NRXN1: variants seen among roughly 807,000 people sequenced by gnomAD.
NRXN1 encodes neurexin-1.
A neutral mutation model predicts 150.9 loss-of-function variants in NRXN1; 39 were observed. The ratio of observed to expected loss-of-function variants is 0.26; its 90% CI spans 0.20 to 0.34. NRXN1 has a LOEUF of 0.34. Ranked by LOEUF, NRXN1 falls within the 10% of genes least tolerant of loss-of-function variation. The probability of loss-of-function intolerance (pLI) is 1.00; values close to 1 mark genes in which losing one functional copy is unlikely to be tolerated. For synonymous variants in NRXN1, 924 were observed against 757.0 expected (o/e 1.22, Z -3.62); for missense variants, 1,815 against 1,949.9 (o/e 0.93, Z 1.30).
chr2:50,531,208 G>A lies in NRXN1; in HGVS notation c.2347+19C>T. 6.2e-7 allele frequency: 1 copy of A among 1,602,644 alleles called. No homozygotes were observed. The highest frequency in any genetic ancestry group is 8.5e-7 in the Non-Finnish European group (1 of 1,172,116). Reference sequence around the variant, plus strand: ...AAAGTAAAAAAGTGTTAGTTCAATGGGGGAAGGCAGGTTGTTACCTAGATT... The same window carrying A: ...AAAGTAAAAAAGTGTTAGTTCAATGAGGGAAGGCAGGTTGTTACCTAGATT... On this transcript the variant is annotated intron_variant, in intron 11 of 22. Transcript: ENST00000401669.
chr2:50,661,036 A>G (rs748350346), intron 5 of NRXN1, among the ~76,000 whole-genome samples: 1 of 152,008 alleles, frequency 6.6e-6, no homozygotes, highest in Non-Finnish European at 1.5e-5. Context: ...ATCTAGGTTC[A>G]TGACTAGAAT....
At chr2:50,204,525 C>T (rs542010365) in intron 18 of NRXN1, among the ~76,000 whole-genome samples, 162 of 152,090 alleles carry the variant, frequency 1.1e-3, no homozygotes, top group Admixed American at 1.8e-3. Flanking sequence ...TCATGTGCTG[C>T]TCCCTGGGTG....
rs145180080 is a variant in NRXN1 at position 49,986,730 on chromosome 2, G to A, written c.4129-42939C>T. Reference sequence around the variant, plus strand: ...AATCTCACACATTTATCATGTCTTTGTTTTGGGAACACTCAAAGTCCTCTC... The same window carrying A: ...AATCTCACACATTTATCATGTCTTTATTTTGGGAACACTCAAAGTCCTCTC... On this transcript the variant is annotated intron_variant, in intron 21 of 22. Transcript: ENST00000401669. Among the ~76,000 whole-genome samples the A allele has an allele frequency of 5.4e-3, 826 of 152,218 alleles. 8 individuals carry two copies. The highest frequency in any genetic ancestry group is 0.019 in the African/African-American group (794 of 41,524).
chr2:50,801,173 G>T (rs1234631990), intron 5 of NRXN1, among the ~76,000 whole-genome samples: 2 of 151,994 alleles, frequency 1.3e-5, no homozygotes, highest in South Asian at 2.1e-4. Context: ...GCTTATTTAT[G>T]TCAAAGTTTC....
intron 18 of NRXN1, among the ~76,000 whole-genome samples, chr2:50,096,551 A>G (rs1487805843): frequency 6.6e-6 from 1 of 152,212 alleles, no homozygotes; most frequent in African/African-American, 2.4e-5. Context: ...TTCACTGGAC[A>G]TGTCTTTATC....
At chr2:50,128,047 A>C (rs1361214975) in intron 18 of NRXN1, among the ~76,000 whole-genome samples, 3 of 152,142 alleles carry the variant, frequency 2.0e-5, no homozygotes, top group Non-Finnish European at 4.4e-5. Context: ...ATCACTATTC[A>C]ATATTTAAAA....
At chr2:50,868,199 A>G (rs1410160537) in intron 5 of NRXN1, among the ~76,000 whole-genome samples, 1 of 145,246 alleles carries the variant, frequency 6.9e-6, no homozygotes, top group African/African-American at 2.6e-5. Flanking sequence ...GCATACACAC[A>G]CACAGGAATA....
chr2:50,429,217 A>T (rs1305598293), intron 17 of NRXN1, among the ~76,000 whole-genome samples: 2 of 152,060 alleles, frequency 1.3e-5, no homozygotes, highest in Non-Finnish European at 2.9e-5. Context: ...AGTGTCTCTA[A>T]AATATGGAAA....
intron 5 of NRXN1, among the ~76,000 whole-genome samples, chr2:50,904,395 A>G (rs541869029): frequency 6.6e-6 from 1 of 152,308 alleles, no homozygotes; most frequent in East Asian, 1.9e-4. Context: ...TAAATAGTCC[A>G]TACGTGAATT....
intron 5 of NRXN1, among the ~76,000 whole-genome samples, chr2:50,721,796 T>C (rs1468622296): frequency 6.6e-6 from 1 of 152,164 alleles, no homozygotes; most frequent in Non-Finnish European, 1.5e-5. Flanking sequence ...ATAGATATTT[T>C]TACTCATATT....
chr2:50,248,626 T>C (rs1387504167), intron 17 of NRXN1, among the ~76,000 whole-genome samples: 1 of 152,232 alleles, frequency 6.6e-6, no homozygotes, highest in Non-Finnish European at 1.5e-5. Flanking sequence ...AGACAACTTA[T>C]TCATTCATTT....
At chr2:50,348,413 G>A (rs769827923) in intron 17 of NRXN1, among the ~76,000 whole-genome samples, 2 of 152,048 alleles carry the variant, frequency 1.3e-5, no homozygotes, top group African/African-American at 2.4e-5. Context: ...GAAAGAAATG[G>A]CATGAATAAA....
chr2:50,159,495 T>C (rs559647368), intron 18 of NRXN1, among the ~76,000 whole-genome samples: 13 of 152,268 alleles, frequency 8.5e-5, no homozygotes, highest in African/African-American at 2.9e-4. Flanking sequence ...TGTATTGCAA[T>C]CAATACAAAT....
At chr2:50,670,796 T>A (rs930759626) in intron 5 of NRXN1, among the ~76,000 whole-genome samples, 1 of 151,920 alleles carries the variant, frequency 6.6e-6, no homozygotes, top group African/African-American at 2.4e-5. Flanking sequence ...TATTTTCTCA[T>A]TATTAGATTG....
At chr2:50,107,690 C>T (rs1271889726) in intron 18 of NRXN1, among the ~76,000 whole-genome samples, 3 of 151,364 alleles carry the variant, frequency 2.0e-5, no homozygotes, top group African/African-American at 7.3e-5. Flanking sequence ...ACTATTACAA[C>T]AATAATTGCA....
At chr2:50,193,128 C>G (rs900863880) in intron 18 of NRXN1, among the ~76,000 whole-genome samples, 10 of 152,020 alleles carry the variant, frequency 6.6e-5, no homozygotes, top group African/African-American at 2.4e-4. Flanking sequence ...TTCAGCTGTA[C>G]CTAATTAGTT....
At chr2:50,219,955 T>TATA (rs2063715516) in intron 18 of NRXN1, among the ~76,000 whole-genome samples, 1 of 60,266 alleles carries the variant, frequency 1.7e-5, no homozygotes, top group African/African-American at 1.2e-4. Flanking sequence ...ATATATATAA[T>TATA]ATATATATTA....
At chr2:50,688,405 T>C (rs1574105081) in intron 5 of NRXN1, among the ~76,000 whole-genome samples, 1 of 152,300 alleles carries the variant, frequency 6.6e-6, no homozygotes, top group Non-Finnish European at 1.5e-5. Context: ...GCCCTCCTTA[T>C]ATACCTTATT....
intron 5 of NRXN1, among the ~76,000 whole-genome samples, chr2:50,776,623 CATAT>C (rs1208087472): frequency 1.4e-5 from 2 of 143,048 alleles, no homozygotes; most frequent in African/African-American, 2.5e-5. Flanking sequence ...TCATACCATA[CATAT>C]AGTGAGATAT....
Sources: allele counts gnomAD v4.1 joint callset (sites outside exome capture counted in the v4.1 genomes callset), GRCh38; gene constraint gnomAD v4.1.1; transcripts MANE v1.5; gene names NCBI Gene and HGNC (gene_info 2026-07-23, HGNC 2026-07-21).